Variants in JAKMIP3 observed in about 807,000 individuals in gnomAD.
The protein encoded by JAKMIP3 is janus kinase and microtubule-interacting protein 3.
In JAKMIP3, 58 loss-of-function variants were observed where a neutral mutation model predicts 118.5. The ratio of observed to expected loss-of-function variants is 0.49; its 90% CI spans 0.40 to 0.61. The LOEUF (loss-of-function observed/expected upper bound fraction) is 0.61, where lower values mean the gene tolerates loss of function less well. Among genes scored for constraint, JAKMIP3 ranks in the 20% least tolerant of loss-of-function variants. The pLI is 0.00. For missense variants in JAKMIP3, 950 were observed against 1,109.0 expected, an observed-to-expected ratio of 0.86 and a Z score of 2.04; for synonymous variants, 486 against 451.2, an observed-to-expected ratio of 1.08 and a Z score of -0.98.
At position 132,137,082 on chromosome 10, in the gene JAKMIP3, G is replaced by A; in HGVS notation, c.1180G>A (p.Glu394Lys). ...SLNDLDQSQD[E>K]REVDFLKLQI... Reference sequence around the variant, plus strand: ...GAATGACCTTGATCAAAGTCAGGATGAGAGAGAAGTCGATTTCTTGAAGCT... The same window carrying A: ...GAATGACCTTGATCAAAGTCAGGATAAGAGAGAAGTCGATTTCTTGAAGCT... Residue 394 changes from glutamate (E) to lysine (K), a missense_variant, in exon 7 of 24, where the codon GAG (glutamate) becomes AAG (lysine). Glu to Lys is a moderately conservative substitution (Grantham distance 56). Coordinates refer to ENST00000684848, the MANE Select transcript of JAKMIP3 (RefSeq NM_001323087.2). 1 of 1,613,918 alleles carries A rather than the reference G, an allele frequency of 6.2e-7. No homozygotes were observed. The highest frequency in any genetic ancestry group is 1.1e-5 in the South Asian group (1 of 91,086).
intron 13 of JAKMIP3, 142 bp from the exon 14 acceptor site, chr10:132,147,810 G>T: frequency 1.7e-6 from 1 of 594,844 alleles, no homozygotes. Context: ...ACCGAGGGCT[G>T]TGAGGCGCTT....
intron 9 of JAKMIP3, among the ~76,000 whole-genome samples, chr10:132,140,235 G>A (rs938456257): frequency 5.3e-5 from 8 of 152,244 alleles, no homozygotes; most frequent in South Asian, 4.1e-4. Flanking sequence ...GCTCACCCAC[G>A]GGACTCCAGG....
chr10:132,061,305 C>T (rs777674556), upstream of JAKMIP3, among the ~76,000 whole-genome samples: 4 of 152,180 alleles, frequency 2.6e-5, no homozygotes, highest in African/African-American at 9.7e-5. Flanking sequence ...CACACACACA[C>T]GTTAGGCACC....
At chr10:132,050,978 G>T (rs933502375) in intron 1 of JAKMIP3, among the ~76,000 whole-genome samples, 1 of 149,378 alleles carries the variant, frequency 6.7e-6, no homozygotes, top group Non-Finnish European at 1.5e-5. Flanking sequence ...TGTTGGTCTT[G>T]TTAATTCCAG....
upstream of JAKMIP3, among the ~76,000 whole-genome samples, chr10:132,061,510 G>A (rs2038398135): frequency 3.3e-5 from 5 of 152,216 alleles, no homozygotes; most frequent in South Asian, 1.0e-3. Flanking sequence ...ATTGAAACCA[G>A]TTTTTATTGA....
chr10:132,166,682 C>T (rs140422593), intron 21 of JAKMIP3, among the ~76,000 whole-genome samples: 10 of 152,300 alleles, frequency 6.6e-5, no homozygotes, highest in Non-Finnish European at 4.4e-5. Flanking sequence ...ACCCAGTCCC[C>T]GGGAGGCTGG....
At chr10:132,120,715 G>A (rs2135419207) in intron 3 of JAKMIP3, among the ~76,000 whole-genome samples, 1 of 152,284 alleles carries the variant, frequency 6.6e-6, no homozygotes, top group East Asian at 1.9e-4. Flanking sequence ...TCTTCCTGGG[G>A]ACCCTGTCCC....
intron 1 of JAKMIP3, among the ~76,000 whole-genome samples, chr10:132,100,026 C>T (rs2044578071): frequency 6.6e-6 from 1 of 152,220 alleles, no homozygotes; most frequent in South Asian, 2.1e-4. Context: ...GGGGCTGGCA[C>T]AGTGCTGTAG....
intron 2 of JAKMIP3, among the ~76,000 whole-genome samples, chr10:132,116,818 C>T (rs1377518932): frequency 6.8e-6 from 1 of 146,246 alleles, no homozygotes; most frequent in Non-Finnish European, 1.5e-5. Flanking sequence ...TGGACGCTCC[C>T]CCCGAATACA....
At chr10:132,124,790 C>T (rs960176374) in intron 3 of JAKMIP3, among the ~76,000 whole-genome samples, 3 of 152,228 alleles carry the variant, frequency 2.0e-5, no homozygotes, top group South Asian at 4.1e-4. Flanking sequence ...TGTGGTAGGT[C>T]GGGCAGCTGC....
upstream of JAKMIP3, among the ~76,000 whole-genome samples, chr10:132,061,693 G>A (rs1467086611): frequency 2.6e-5 from 4 of 152,210 alleles, no homozygotes; most frequent in Admixed American, 6.5e-5. Context: ...GGCTCTCGAC[G>A]AGGAAGGGTG....
intron 3 of JAKMIP3, among the ~76,000 whole-genome samples, chr10:132,119,242 T>C (rs1383568489): frequency 1.3e-5 from 2 of 152,118 alleles, no homozygotes; most frequent in Admixed American, 6.5e-5. Flanking sequence ...TACACCGAAG[T>C]GCAGGTGTGT....
intron 23 of JAKMIP3, among the ~76,000 whole-genome samples, chr10:132,180,742 C>CGCGTGTGTGTGCGTGTGTGTGT (rs1412152341): frequency 1.1e-4 from 1 of 8,716 alleles, no homozygotes; most frequent in Admixed American, 1.2e-3. Context: ...TGTGTGCGTG[C>CGCGTGTGTGTGCGTGTGTGTGT]GTGCGCGCGC....
chr10:132,048,221 G>T (rs1000518632), intron 1 of JAKMIP3, among the ~76,000 whole-genome samples: 1 of 152,240 alleles, frequency 6.6e-6, no homozygotes, highest in African/African-American at 2.4e-5. Context: ...TTCCTTTTGG[G>T]AAGTCCCTGT....
At chr10:132,170,799 A>G (rs1026410801) in intron 23 of JAKMIP3, among the ~76,000 whole-genome samples, 3 of 152,232 alleles carry the variant, frequency 2.0e-5, no homozygotes, top group Non-Finnish European at 4.4e-5. Context: ...GACAAGCCAC[A>G]GGCTCATTGT....
Position 132,146,843 on chromosome 10 carries a change from A to G in JAKMIP3, c.1750-1109A>G, listed in dbSNP as rs143521671. 3.3e-5 allele frequency among the ~76,000 whole-genome samples: 5 copies of G among 152,340 alleles called. No individual in the cohort carries two copies. The South Asian group carries it at 6.2e-4, about 19-fold the overall frequency. ...TCTCTTAAATTAGAAGTGCGTTTCCACAGGGCTCAGCACAGTGCTGTGTGT... is the reference window on the plus strand; with the variant it reads ...TCTCTTAAATTAGAAGTGCGTTTCCGCAGGGCTCAGCACAGTGCTGTGTGT... On this transcript the variant is annotated intron_variant, in intron 13 of 23. Coordinates refer to ENST00000684848, the MANE Select transcript of JAKMIP3 (RefSeq NM_001323087.2).
rs899852523 is a variant in JAKMIP3 at position 132,044,540 on chromosome 10, G to T, written c.-138+7802G>T. Reference sequence around the variant, plus strand: ...TGCAGAGGAGGATGCAGGAGGAGTGGGAGAAGCCAGTGTGGCCCAAGGGAG... The same window carrying T: ...TGCAGAGGAGGATGCAGGAGGAGTGTGAGAAGCCAGTGTGGCCCAAGGGAG... On this transcript the variant is annotated intron_variant, in intron 1 of 23. Transcript: ENST00000657785. This position sits in a 1 kb window ranked among gnomAD's most constrained non-coding sequence, Gnocchi z 5.3. Among the ~76,000 whole-genome samples, 6 of 152,108 alleles carry T rather than the reference G, an allele frequency of 3.9e-5. No homozygotes were observed. The highest frequency in any genetic ancestry group is 1.2e-4 in the African/African-American group (5 of 41,422).
At chr10:132,158,412 A>G (rs576938322) in intron 19 of JAKMIP3, among the ~76,000 whole-genome samples, 4 of 152,328 alleles carry the variant, frequency 2.6e-5, no homozygotes, top group Non-Finnish European at 5.9e-5. Flanking sequence ...ACACATTTCC[A>G]GAAGATCAAA....
chr10:132,139,299 TG>T (rs1355384342), intron 9 of JAKMIP3, among the ~76,000 whole-genome samples: 2 of 111,282 alleles, frequency 1.8e-5, no homozygotes, highest in Non-Finnish European at 3.3e-5. Flanking sequence ...CATCTGTGTA[TG>T]TGTGTGAGTG....
Sources: gnomAD v4.1 joint callset for allele counts (sites outside exome capture counted in the v4.1 genomes callset) on GRCh38, gnomAD v4.1.1 for gene constraint, Gnocchi (gnomAD v3.1) non-coding constraint, MANE v1.5 for transcripts, NCBI Gene and HGNC (gene_info 2026-07-23, HGNC 2026-07-21) for gene names.